The following SRRM1 variants were observed in gnomAD, a reference collection of about 807,000 sequenced individuals.
The protein encoded by SRRM1 is serine and arginine repetitive matrix 1.
In SRRM1, 19 loss-of-function variants were observed where a neutral mutation model predicts 110.2. The observed-to-expected ratio is 0.17, with a 90% CI of 0.12 to 0.25. The LOEUF (loss-of-function observed/expected upper bound fraction) is 0.25. Ranked by LOEUF, SRRM1 falls within the 10% of genes least tolerant of loss-of-function variation. SRRM1 has a pLI of 1.00. For synonymous variants in SRRM1, 443 were observed against 414.9 expected, an observed-to-expected ratio of 1.07 and a Z score of -0.82; for missense variants, 918 against 1,145.8, an observed-to-expected ratio of 0.80 and a Z score of 2.87.
At chr1:24,643,768 T>TG (rs952272677) in intron 1 of SRRM1, 8 of 187,954 alleles carry the variant, frequency 4.3e-5, no homozygotes, top group East Asian at 2.6e-4. Context: ...GAATATGGTT[T>TG]GGGGGTACAT....
In SRRM1 at chr1:24,662,779, A is replaced by G; in HGVS notation, c.1603A>G (p.Lys535Glu). ...CCGGAGTGCTTCTCCATCACCACGA[A>G]AGCGCCAAAAAGAGACTTCCCCTCG... ...PSRSASPSPR[K>E]RQKETSPRGR... is the part of the protein sequence containing the mutation. Residue 535 changes from lysine to glutamate, a missense_variant, in exon 12 of 17, where the codon AAG (lysine) becomes GAG (glutamate). Coordinates refer to ENST00000323848, the MANE Select transcript of SRRM1 (RefSeq NM_005839.4). 6.2e-7 allele frequency: 1 copy of G among 1,614,160 alleles called. No individual in the cohort carries two copies. The highest frequency in any genetic ancestry group is 8.5e-7 in the Non-Finnish European group (1 of 1,180,004).
intron 12 of SRRM1, among the ~76,000 whole-genome samples, chr1:24,664,676 G>C (rs542155214): frequency 1.3e-5 from 2 of 152,320 alleles, no homozygotes; most frequent in East Asian, 3.9e-4. Flanking sequence ...ATGGAGCAAA[G>C]CACGGGGTAT....
At chr1:24,664,781 T>A (rs1301738452) in intron 12 of SRRM1, among the ~76,000 whole-genome samples, 1 of 152,168 alleles carries the variant, frequency 6.6e-6, no homozygotes, top group East Asian at 1.9e-4. Context: ...CAGCTATAAT[T>A]ATCTCTGGCT....
chr1:24,661,263 T>A lies in SRRM1; in HGVS notation c.1397-47T>A, dbSNP rs753469523. ...TTTCCTATTCAAATTGCAAATTTTCTATATGCTTAACTAAAGAAACACTTT... is the reference window on the plus strand; with the variant it reads ...TTTCCTATTCAAATTGCAAATTTTCAATATGCTTAACTAAAGAAACACTTT... On this transcript the variant is annotated intron_variant, in intron 10 of 16. Transcript: ENST00000323848. The A allele has an allele frequency of 2.0e-6, 3 of 1,469,244 alleles. No homozygotes were observed. In the South Asian group the frequency reaches 3.5e-5, roughly 17 times the overall value. The allele number at this position is 1,469,244 out of a possible 1,614,324, so 91.0% of individuals were successfully genotyped here.
At chr1:24,643,799 G>T (rs1655423054) in intron 1 of SRRM1, 1 of 167,098 alleles carries the variant, frequency 6.0e-6, no homozygotes, top group Non-Finnish European at 1.3e-5. Context: ...CACCTTAGGG[G>T]AGGGAGAACA....
intron 16 of SRRM1, 72 bp downstream of exon 16, chr1:24,671,667 G>A: frequency 2.1e-6 from 3 of 1,395,368 alleles, no homozygotes; most frequent in Non-Finnish European, 2.9e-6. Flanking sequence ...GTTTTGAGAA[G>A]TAGCAAAATT....
At position 24,662,735 on chromosome 1, in the gene SRRM1, G is replaced by A. The variant is rs756704983; in HGVS notation, c.1559G>A (p.Arg520Gln). 4.3e-6 allele frequency: 7 copies of A among 1,614,148 alleles called. No individual in the cohort carries two copies. Among genetic ancestry groups the A allele is most frequent in the East Asian group, 2.2e-5 (1 of 44,886 alleles). Residue 520 changes from arginine (R) to glutamine (Q), a missense_variant, in exon 12 of 17, where the codon CGG (arginine) becomes CAG (glutamine). Transcript: ENST00000323848. Reference protein sequence around the residue: ...SHVKNGEVGRRRRHSPSRSAS... With the variant: ...SHVKNGEVGRQRRHSPSRSAS... ...GTGAAGAATGGTGAGGTTGGCAGGC[G>A]GCGGAGACATTCCCCTTCCCGGAGT...
At chr1:24,660,876 C>A (rs891482632) in intron 10 of SRRM1, 77 bp downstream of exon 10, 16 of 1,040,616 alleles carry the variant, frequency 1.5e-5, no homozygotes, top group African/African-American at 4.9e-5. Context: ...ATTTTTTGCA[C>A]ATTTGGTCAT....
Position 24,655,091 on chromosome 1 carries a change from G to A in SRRM1, c.1277G>A (p.Ser426Asn), listed in dbSNP as rs1413847921. Reference protein sequence around the residue: ...TPQQSNRTRKSRVSVSPGRTS... With the variant: ...TPQQSNRTRKNRVSVSPGRTS... ...CAGCAGTCAAACCGTACAAGAAAAA[G>A]TCGTGTTTCTGTGTCTCCAGGGAGA... The change falls in exon 9 of 17, where the codon AGT becomes AAT. Residue 426 changes from serine (S) to asparagine (N), a missense_variant. Transcript: ENST00000323848. 6.2e-7 allele frequency: 1 copy of A among 1,614,108 alleles called. No individual in the cohort carries two copies. The highest frequency in any genetic ancestry group is 1.1e-5 in the South Asian group (1 of 91,082).
chr1:24,664,794 TG>T (rs1251623981), intron 12 of SRRM1, among the ~76,000 whole-genome samples: 1 of 152,192 alleles, frequency 6.6e-6, no homozygotes, highest in African/African-American at 2.4e-5. Flanking sequence ...CTCTGGCTTT[TG>T]TGAAGTTGCT....
In SRRM1 at chr1:24,651,749, G is replaced by T. The variant is rs533236752; in HGVS notation, c.725+137G>T. The T allele has an allele frequency of 3.6e-5, 28 of 779,722 alleles. No homozygotes were observed. In the Admixed American group the frequency reaches 7.5e-4, roughly 21 times the overall value. 48.3% of individuals were successfully genotyped at this position (779,722 alleles called of 1,614,324 possible). A position where few individuals can be genotyped will look rare whatever the true frequency, so the allele number is the denominator to read the frequency against. ...AATTATAAAATTAGTTTGTTGAAAA[G>T]AAATTGTTTAGGAGAGTATATTAGA... On this transcript the variant is annotated intron_variant, in intron 6 of 16. Transcript: ENST00000323848.
chr1:24,643,556 C>T (rs954211265), intron 1 of SRRM1: 3 of 436,908 alleles, frequency 6.9e-6, no homozygotes, highest in Middle Eastern at 5.8e-4. Context: ...AATGGTCCCC[C>T]CTACGCGGCG....
At chr1:24,655,508 G>A (rs998968588) in intron 9 of SRRM1, among the ~76,000 whole-genome samples, 1 of 151,874 alleles carries the variant, frequency 6.6e-6, no homozygotes, top group African/African-American at 2.4e-5. Context: ...TAAATAAGAG[G>A]ACTTCATATT....
intron 16 of SRRM1, 46 bp from the exon 17 acceptor site, chr1:24,672,136 C>T: frequency 6.9e-7 from 1 of 1,449,446 alleles, no homozygotes; most frequent in Non-Finnish European, 9.5e-7. Flanking sequence ...TCGGCATTTC[C>T]CACCAGGGTC....
rs1354106090 is a variant in SRRM1, at chr1:24,651,393, ATTAC to A, written c.522-13_522-10del. ...CATGTTATTTAAAAACCTGAAAAAA[ATTAC>A]TTTCATCCTAGACGCAAATCCAGAT... On this transcript the variant is annotated splice_polypyrimidine_tract_variant and intron_variant, in intron 5 of 16. Coordinates refer to ENST00000323848, the MANE Select transcript of SRRM1 (RefSeq NM_005839.4). 6.2e-7 allele frequency: 1 copy of A among 1,606,044 alleles called. No individual in the cohort carries two copies. Among genetic ancestry groups the A allele is most frequent in the Non-Finnish European group, 8.5e-7 (1 of 1,175,752 alleles).
Position 24,646,807 on chromosome 1 carries a change from G to T in SRRM1, c.234+18G>T, listed in dbSNP as rs765145556. The T allele has an allele frequency of 8.4e-6, 13 of 1,553,986 alleles. No individual in the cohort carries two copies. Among genetic ancestry groups the T allele is most frequent in the Admixed American group, 4.4e-5 (2 of 45,460 alleles). ...AAGTGAAGGTACTAATATACAAATGGCTCTTGTTTCTGAATATGTGATATA... is the reference window on the plus strand; with the variant it reads ...AAGTGAAGGTACTAATATACAAATGTCTCTTGTTTCTGAATATGTGATATA... On this transcript the variant is annotated intron_variant, in intron 3 of 16. Transcript: ENST00000323848.
intron 5 of SRRM1, 40 bp from the exon 6 acceptor site, chr1:24,651,369 A>G (rs1034841760): frequency 5.8e-6 from 9 of 1,540,328 alleles, no homozygotes; most frequent in Middle Eastern, 1.7e-4. Context: ...CTTCCAATCC[A>G]TGTTATTTAA....
chr1:24,661,233 A>G, intron 10 of SRRM1, 77 bp from the exon 11 acceptor site: 1 of 983,356 alleles, frequency 1.0e-6, no homozygotes, highest in Non-Finnish European at 1.6e-6. Context: ...GGTTTGAGAG[A>G]CTATTTTCCT....
chr1:24,658,912 C>T (rs1330132692), intron 9 of SRRM1, among the ~76,000 whole-genome samples: 1 of 152,042 alleles, frequency 6.6e-6, no homozygotes, highest in South Asian at 2.1e-4. Flanking sequence ...TAAGAAAAGT[C>T]GCTGGGCGCG....
Sources: gnomAD v4.1 joint callset for allele counts (sites outside exome capture counted in the v4.1 genomes callset) on GRCh38, gnomAD v4.1.1 for gene constraint, MANE v1.5 for transcripts, NCBI Gene and HGNC (gene_info 2026-07-23, HGNC 2026-07-21) for gene names.